The following SLCO2A1 variants were observed in gnomAD, a reference collection of about 807,000 sequenced individuals.
SLCO2A1 encodes matrin F/G 1.
In SLCO2A1, 60 loss-of-function variants were observed where a neutral mutation model predicts 71.7. That is an observed-to-expected ratio of 0.84 (90% CI 0.68 to 1.04). The LOEUF is 1.04. Among genes scored for constraint, SLCO2A1 ranks in the 50% least tolerant of loss-of-function variants. The pLI, the probability that SLCO2A1 is intolerant of heterozygous loss-of-function variation, is 0.00. For missense variants in SLCO2A1, 745 were observed against 813.4 expected (o/e 0.92, Z 1.02); for synonymous variants, 308 against 326.7 (o/e 0.94, Z 0.62).
intron 1 of SLCO2A1, among the ~76,000 whole-genome samples, chr3:133,997,409 T>C (rs1443930875): frequency 6.6e-6 from 1 of 152,224 alleles, no homozygotes; most frequent in Non-Finnish European, 1.5e-5. Context: ...TTCACAGATG[T>C]AATCAAGTTA....
At chr3:134,016,248 C>T (rs1935453522) in intron 1 of SLCO2A1, among the ~76,000 whole-genome samples, 1 of 151,776 alleles carries the variant, frequency 6.6e-6, no homozygotes, top group Non-Finnish European at 1.5e-5. Context: ...AAAAAATAAG[C>T]TATAGTCTAG....
chr3:133,964,267 C>T (rs138708983), intron 3 of SLCO2A1, among the ~76,000 whole-genome samples: 70 of 152,238 alleles, frequency 4.6e-4, no homozygotes, highest in African/African-American at 1.6e-3. Flanking sequence ...AGAGGCCTCT[C>T]GGAATGAACC....
intron 1 of SLCO2A1, among the ~76,000 whole-genome samples, chr3:134,018,671 C>T (rs1281096675): frequency 6.6e-6 from 1 of 152,148 alleles, no homozygotes; most frequent in African/African-American, 2.4e-5. Context: ...ATAAGATAAC[C>T]TCAGTTTGGT....
At chr3:133,937,590 C>T (rs1169332159) in intron 12 of SLCO2A1, among the ~76,000 whole-genome samples, 1 of 152,178 alleles carries the variant, frequency 6.6e-6, no homozygotes, top group Non-Finnish European at 1.5e-5. Context: ...GTGGGCTATA[C>T]ATTATTTCAG....
At chr3:134,017,129 G>A (rs56754459) in intron 1 of SLCO2A1, among the ~76,000 whole-genome samples, 16,540 of 152,110 alleles carry the variant, frequency 0.11, 1,169 homozygotes, top group East Asian at 0.37. Context: ...GTGGTGGGGC[G>A]GTGGTTACAC....
chr3:133,981,341 C>T (rs1340880382), intron 1 of SLCO2A1, among the ~76,000 whole-genome samples: 1 of 152,176 alleles, frequency 6.6e-6, no homozygotes. Context: ...GTTCCTAGGT[C>T]TGGCCTGGAC....
At chr3:134,004,597 G>C (rs1451585550) in intron 1 of SLCO2A1, among the ~76,000 whole-genome samples, 1 of 152,204 alleles carries the variant, frequency 6.6e-6, no homozygotes, top group East Asian at 1.9e-4. Flanking sequence ...GCCTCCTAAA[G>C]TGTTGGGATT....
intron 4 of SLCO2A1, among the ~76,000 whole-genome samples, chr3:133,954,709 C>T (rs571494513): frequency 7.6e-4 from 115 of 152,286 alleles, no homozygotes; most frequent in Middle Eastern, 3.4e-3. Flanking sequence ...AGCCATCCAG[C>T]GCACAGATAA....
intron 3 of SLCO2A1, among the ~76,000 whole-genome samples, chr3:133,965,762 C>T (rs891648722): frequency 2.7e-5 from 4 of 150,918 alleles, no homozygotes; most frequent in Middle Eastern, 3.2e-3. Flanking sequence ...CTGACAGCAC[C>T]GCACTGGGCC....
intron 1 of SLCO2A1, among the ~76,000 whole-genome samples, chr3:134,013,620 T>C (rs1462423300): frequency 6.6e-6 from 1 of 152,198 alleles, no homozygotes; most frequent in East Asian, 1.9e-4. Context: ...GTCAACCAGA[T>C]AAACTAGTTC....
Position 133,939,647 on chromosome 3 carries a change from T to TCAAATCCTGTTGTGTCTA in SLCO2A1, c.1626-1172_1626-1155dup, listed in dbSNP as rs1192754808. ...TGGGACCCCCACAATGCAAAGTGTC[T>TCAAATCCTGTTGTGTCTA]CAAATCCTGTTGTGTCTACAGATCC... On this transcript the variant is annotated intron_variant, in intron 11 of 13. Coordinates refer to ENST00000310926, the MANE Select transcript of SLCO2A1 (RefSeq NM_005630.3). Among the ~76,000 whole-genome samples, 4 of 152,220 alleles carry TCAAATCCTGTTGTGTCTA rather than the reference T, an allele frequency of 2.6e-5. No individual in the cohort carries two copies. In the East Asian group the frequency reaches 5.8e-4, roughly 22 times the overall value.
chr3:134,029,360 T>C (rs1935770853), intron 1 of SLCO2A1, among the ~76,000 whole-genome samples: 1 of 152,208 alleles, frequency 6.6e-6, no homozygotes, highest in South Asian at 2.1e-4. Context: ...CGAGATGATC[T>C]TTTTCAATCA....
intron 1 of SLCO2A1, among the ~76,000 whole-genome samples, chr3:133,996,562 G>A (rs923309565): frequency 8.5e-5 from 13 of 152,192 alleles, no homozygotes; most frequent in Non-Finnish European, 1.6e-4. Flanking sequence ...TGGCAGAGGC[G>A]GCGGCTCCCC....
intron 2 of SLCO2A1, among the ~76,000 whole-genome samples, chr3:133,975,154 T>C (rs1485979915): frequency 6.6e-6 from 1 of 152,080 alleles, no homozygotes; most frequent in African/African-American, 2.4e-5. Flanking sequence ...GTGTGTCCAG[T>C]TCCATGGCTA....
intron 1 of SLCO2A1, among the ~76,000 whole-genome samples, chr3:133,986,570 A>T (rs566510350): frequency 6.6e-6 from 1 of 152,370 alleles, no homozygotes; most frequent in African/African-American, 2.4e-5. Context: ...TGACGGCCTC[A>T]TTCATTCTCC....
chr3:134,018,735 A>G (rs978036756), intron 1 of SLCO2A1, among the ~76,000 whole-genome samples: 3 of 152,128 alleles, frequency 2.0e-5, no homozygotes, highest in South Asian at 2.1e-4. Context: ...AGCCGCCAGG[A>G]TAAGTCAGCT....
At position 133,933,479 on chromosome 3, in the gene SLCO2A1, A is replaced by T. The variant is rs981542258; in HGVS notation, c.*1234T>A. ...TGCACAAAGTCGGTCTCCAATAAAT[A>T]TATTTGTTGATGAATGACCTCCTTC... is the stretch of plus-strand genomic sequence containing the variant. On this transcript the variant is annotated 3_prime_UTR_variant, in exon 14 of 14. Coordinates refer to ENST00000310926, the MANE Select transcript of SLCO2A1 (RefSeq NM_005630.3). The T allele has an allele frequency of 6.6e-6, 1 of 152,190 alleles. No homozygotes were observed. The highest frequency in any genetic ancestry group is 1.5e-5 in the Non-Finnish European group (1 of 68,056). 9.4% of individuals were successfully genotyped at this position (152,190 alleles called of 1,614,324 possible). A position where few individuals can be genotyped will look rare whatever the true frequency, so the allele number is the denominator to read the frequency against.
At chr3:133,939,098 T>G (rs1352916888) in intron 11 of SLCO2A1, among the ~76,000 whole-genome samples, 2 of 152,134 alleles carry the variant, frequency 1.3e-5, no homozygotes, top group Non-Finnish European at 2.9e-5. Flanking sequence ...AAAGGTCCCA[T>G]GTTTGGCTTA....
At chr3:134,015,217 G>A (rs1226037025) in intron 1 of SLCO2A1, among the ~76,000 whole-genome samples, 1 of 152,184 alleles carries the variant, frequency 6.6e-6, no homozygotes, top group Non-Finnish European at 1.5e-5. Context: ...AATAGGTAAG[G>A]AAAAATGTGG....
Sources: allele counts gnomAD v4.1 joint callset (sites outside exome capture counted in the v4.1 genomes callset), GRCh38; gene constraint gnomAD v4.1.1; transcripts MANE v1.5; gene names NCBI Gene and HGNC (gene_info 2026-07-23, HGNC 2026-07-21).